DSCAML1: variants seen among roughly 807,000 people sequenced by gnomAD.
DSCAML1 encodes DS cell adhesion molecule like 1.
In DSCAML1, 38 loss-of-function variants were observed where a neutral mutation model predicts 200.5. That is an observed-to-expected ratio of 0.19 (90% CI 0.15 to 0.25). DSCAML1 has a LOEUF of 0.25. Ranked by LOEUF, DSCAML1 falls within the 10% of genes least tolerant of loss-of-function variation. The pLI is 1.00. For synonymous variants in DSCAML1, 1,215 were observed against 1,165.0 expected (o/e 1.04, Z -0.87); for missense variants, 2,223 against 2,858.8 (o/e 0.78, Z 5.07).
intron 1 of DSCAML1, among the ~76,000 whole-genome samples, chr11:117,814,629 G>A (rs1008765374): frequency 2.6e-5 from 4 of 152,224 alleles, no homozygotes; most frequent in Admixed American, 6.5e-5. Flanking sequence ...CACTGGGATC[G>A]GTGGGTGAAC....
intron 29 of DSCAML1, 109 bp downstream of exon 29, chr11:117,433,029 C>T (rs2047834876): frequency 9.7e-6 from 9 of 931,530 alleles, no homozygotes; most frequent in Non-Finnish European, 1.4e-5. Context: ...GATGGGGCTA[C>T]TGCCAGAACC....
intron 3 of DSCAML1, among the ~76,000 whole-genome samples, chr11:117,657,691 A>G (rs2052762338): frequency 2.0e-5 from 3 of 152,184 alleles, no homozygotes; most frequent in Admixed American, 6.5e-5. Context: ...CCCTTTTGGA[A>G]GCTGGTAGGA....
At chr11:117,580,862 G>C (rs1183268734) in intron 3 of DSCAML1, among the ~76,000 whole-genome samples, 1 of 152,186 alleles carries the variant, frequency 6.6e-6, no homozygotes, top group East Asian at 1.9e-4. Flanking sequence ...CTTGAACATG[G>C]AGAAGGTGCT....
At chr11:117,814,134 T>A (rs11216557) in intron 1 of DSCAML1, among the ~76,000 whole-genome samples, 5 of 142,050 alleles carry the variant, frequency 3.5e-5, no homozygotes, top group East Asian at 2.1e-4. Flanking sequence ...GTGACCCCCC[T>A]TCCCTGCCCA....
chr11:117,510,214 C>T (rs1316571396), intron 8 of DSCAML1, among the ~76,000 whole-genome samples: 2 of 152,218 alleles, frequency 1.3e-5, no homozygotes, highest in Non-Finnish European at 2.9e-5. Flanking sequence ...CTTTTATTTA[C>T]TGCACCTGCT....
rs1053298207 is a variant in DSCAML1, at chr11:117,496,935, G to C, written c.2359+6910C>G. ...ACGTCCACTTTGGGGTTAGGTTTGG[G>C]ATGCGATGTGATTGCTCCAGTGATA... is the stretch of plus-strand genomic sequence containing the variant. On this transcript the variant is annotated intron_variant, in intron 11 of 32. Coordinates refer to ENST00000651296, the MANE Select transcript of DSCAML1 (RefSeq NM_020693.4). Among the ~76,000 whole-genome samples the C allele has an allele frequency of 3.3e-5, 5 of 152,196 alleles. No individual in the cohort carries two copies. The East Asian group carries it at 5.8e-4, about 18-fold the overall frequency.
At chr11:117,566,181 G>A (rs1251300540) in intron 3 of DSCAML1, among the ~76,000 whole-genome samples, 1 of 152,178 alleles carries the variant, frequency 6.6e-6, no homozygotes, top group African/African-American at 2.4e-5. Flanking sequence ...GACCTATAGA[G>A]TGACTTGTAC....
At chr11:117,734,775 T>C (rs1479246771) in intron 3 of DSCAML1, among the ~76,000 whole-genome samples, 3 of 152,082 alleles carry the variant, frequency 2.0e-5, no homozygotes, top group Non-Finnish European at 2.9e-5. Context: ...GCAGAGTACA[T>C]GATGAGTGGG....
At chr11:117,760,697 T>G (rs1357933065) in intron 3 of DSCAML1, among the ~76,000 whole-genome samples, 4 of 152,248 alleles carry the variant, frequency 2.6e-5, no homozygotes, top group Non-Finnish European at 4.4e-5. Context: ...TGTGTGAGTT[T>G]CTTTAAGGAA....
At chr11:117,675,888 G>A (rs2053203028) in intron 3 of DSCAML1, among the ~76,000 whole-genome samples, 2 of 152,090 alleles carry the variant, frequency 1.3e-5, no homozygotes, top group African/African-American at 4.8e-5. Context: ...AAACTGCATC[G>A]AATGGCTCCC....
intron 3 of DSCAML1, among the ~76,000 whole-genome samples, chr11:117,607,599 C>T (rs1211608551): frequency 2.0e-5 from 3 of 152,312 alleles, no homozygotes; most frequent in East Asian, 1.9e-4. Flanking sequence ...CAGTCGCAGG[C>T]GGATCCACAG....
chr11:117,625,528 C>T (rs890330417), intron 3 of DSCAML1, among the ~76,000 whole-genome samples: 17 of 152,164 alleles, frequency 1.1e-4, no homozygotes, highest in African/African-American at 4.1e-4. Flanking sequence ...AACTGGGTCC[C>T]AGTGGTGTGA....
At chr11:117,557,830 G>A (rs535072306) in intron 3 of DSCAML1, among the ~76,000 whole-genome samples, 2 of 151,184 alleles carry the variant, frequency 1.3e-5, no homozygotes, top group South Asian at 2.1e-4. Context: ...CTAGGGCCAT[G>A]GTTCTCAACG....
intron 3 of DSCAML1, among the ~76,000 whole-genome samples, chr11:117,754,213 T>C (rs1322053234): frequency 6.6e-6 from 1 of 152,146 alleles, no homozygotes; most frequent in Non-Finnish European, 1.5e-5. Context: ...GAGCTGTGCG[T>C]GCATCCAGCA....
At position 117,504,984 on chromosome 11, in the gene DSCAML1, C is replaced by T; in HGVS notation, c.2122G>A (p.Val708Met). ...NQDGIYGKAG[V>M]LNCSVDGYPP... ...TAGCCGTCCACCGAGCAGTTGAGCA[C>T]ACCAGCTTTGCCGTAGATGCCATCC... Residue 708 changes from valine (V) to methionine (M), a missense_variant, in exon 10 of 33, where the codon GTG becomes ATG. By Grantham distance (21) the Val-to-Met change is conservative (BLOSUM62 1). This residue lies in a region of DSCAML1 where 212 missense variants were observed against 368.0 expected (regional missense o/e 0.58). Coordinates refer to ENST00000651296, the MANE Select transcript of DSCAML1 (RefSeq NM_020693.4). The surrounding 1 kb of genome is among the most constrained non-coding windows in gnomAD (Gnocchi z 5.0). 2 of 1,612,886 alleles carry T rather than the reference C, an allele frequency of 1.2e-6. No homozygotes were observed. The highest frequency in any genetic ancestry group is 1.7e-6 in the Non-Finnish European group (2 of 1,179,334).
rs1458303913 is a variant in DSCAML1, at chr11:117,504,031, G to A, written c.2183-10C>T. 1 of 1,613,284 alleles carries A rather than the reference G, an allele frequency of 6.2e-7. No homozygotes were observed. The highest frequency in any genetic ancestry group is 1.1e-5 in the South Asian group (1 of 90,998). On this transcript the variant is annotated splice_polypyrimidine_tract_variant and intron_variant, in intron 10 of 32. Coordinates refer to ENST00000651296, the MANE Select transcript of DSCAML1 (RefSeq NM_020693.4). The surrounding 1 kb of genome is among the most constrained non-coding windows in gnomAD (Gnocchi z 5.0). ...TGGGGGTTCCCGCTCCCTGGAAGGA[G>A]GCAGCTGTTAGGAGGGCTGAGTCTG...
intron 3 of DSCAML1, among the ~76,000 whole-genome samples, chr11:117,550,038 T>A (rs1380438258): frequency 1.3e-5 from 2 of 152,208 alleles, no homozygotes; most frequent in African/African-American, 4.8e-5. Context: ...CCTTGTCTCC[T>A]GACAGCCCTT....
rs185135094 is a variant in DSCAML1, at chr11:117,767,763, T to C, written c.511+9028A>G. On this transcript the variant is annotated intron_variant, in intron 3 of 32. Coordinates refer to ENST00000651296, the MANE Select transcript of DSCAML1 (RefSeq NM_020693.4). ...CTTTGGGTACAGAAGCTCTGGTCCATGCCCAAGCCTTGCCACTTGGAATCT... is the reference window on the plus strand; with the variant it reads ...CTTTGGGTACAGAAGCTCTGGTCCACGCCCAAGCCTTGCCACTTGGAATCT... Among the ~76,000 whole-genome samples, 255 of 152,326 alleles carry C rather than the reference T, an allele frequency of 1.7e-3. 1 individual carries two copies. The highest frequency in any genetic ancestry group is 5.8e-3 in the African/African-American group (242 of 41,564).
intron 3 of DSCAML1, among the ~76,000 whole-genome samples, chr11:117,751,123 G>A (rs572537106): frequency 1.6e-4 from 24 of 152,272 alleles, no homozygotes; most frequent in South Asian, 4.1e-4. Context: ...GTGCGCAGGC[G>A]TGTTGTTGGC....
Sources: gnomAD v4.1 joint callset for allele counts (sites outside exome capture counted in the v4.1 genomes callset) on GRCh38, gnomAD v4.1.1 for gene constraint, gnomAD v4.1.1 regional missense constraint, Gnocchi (gnomAD v3.1) non-coding constraint, MANE v1.5 for transcripts, NCBI Gene and HGNC (gene_info 2026-07-23, HGNC 2026-07-21) for gene names.